Variants in TSC2 observed in about 807,000 individuals in gnomAD.
The protein encoded by TSC2 is TSC complex subunit 2.
Under a neutral mutation model 202.2 loss-of-function variants are expected in TSC2, and 29 were observed. That is an observed-to-expected ratio of 0.14 (90% CI 0.11 to 0.20). The LOEUF (loss-of-function observed/expected upper bound fraction) is 0.20. Among genes scored for constraint, TSC2 ranks in the 10% least tolerant of loss-of-function variants. TSC2 has a pLI of 1.00. For missense variants in TSC2, 2,429 were observed against 2,420.0 expected (o/e 1.00, Z -0.08); for synonymous variants, 1,349 against 1,044.0 (o/e 1.29, Z -5.63).
chr16:2,080,600 C>T, intron 30 of TSC2: 1 of 581,524 alleles, frequency 1.7e-6, no homozygotes, highest in South Asian at 2.0e-5. Context: ...TCTCCTGCCT[C>T]AGCCTCCCGA....
intron 31 of TSC2, 86 bp downstream of exon 31, chr16:2,081,884 A>T (rs2090186765): frequency 6.5e-7 from 1 of 1,537,204 alleles, no homozygotes. Context: ...CTCTCTGCTG[A>T]GGGCGCCCAC....
At position 2,087,115 on chromosome 16, in the gene TSC2, G is replaced by C. The variant is rs28721933; in HGVS notation, c.4989+244G>C. On this transcript the variant is annotated intron_variant, in intron 38 of 41. Coordinates refer to ENST00000219476, the MANE Select transcript of TSC2 (RefSeq NM_000548.5). ...TAACTGGCAAGTGCAGACTGGGTGT[G>C]CTGGGTGGGCACAGTGTAGTTGGTG... 2,213 of 599,834 alleles carry C rather than the reference G, an allele frequency of 3.7e-3. 37 individuals carry two copies. Among genetic ancestry groups the C allele is most frequent in the African/African-American group, 0.037 (1,985 of 54,252 alleles). 37.2% of individuals were successfully genotyped at this position (599,834 alleles called of 1,614,324 possible).
In TSC2 at chr16:2,058,858, G is replaced by A. The variant is rs1131825; in HGVS notation, c.960G>A (p.Leu320=). The A allele has an allele frequency of 1.2e-6, 2 of 1,608,504 alleles. No individual in the cohort carries two copies. Among genetic ancestry groups the A allele is most frequent in the Non-Finnish European group, 1.7e-6 (2 of 1,177,568 alleles). ...YSLRNSPTSV[L]PSFYQAMACP... is the part of the protein sequence containing the mutation. ...TCAGGAACTCGCCGACATCTGTGTT[G>A]CCATCATTTTACCAGGTAAGGCGGT... The change falls in exon 10 of 42, where the codon TTG becomes TTA. Residue 320 remains leucine, a synonymous_variant. Transcript: ENST00000219476.
At position 2,053,416 on chromosome 16, in the gene TSC2, G is replaced by A. The variant is rs45517100; in HGVS notation, c.300G>A (p.Ala100=). 1.2e-4 allele frequency: 198 copies of A among 1,585,520 alleles called. No individual in the cohort carries two copies. The highest frequency in any genetic ancestry group is 1.3e-4 in the Non-Finnish European group (148 of 1,166,846). ...QPERPLEARH[A]VLALLKAIVQ... ...AGCGGCCGCTGGAGGCCCGGCACGC[G>A]GTGCTGGCTCTGCTGAAGGCCATCG... is the stretch of plus-strand genomic sequence containing the variant. The change falls in exon 4 of 42, where the codon GCG becomes GCA. Residue 100 remains alanine (A), a synonymous_variant. Transcript: ENST00000219476.
chr16:2,061,192 C>T, intron 11 of TSC2: 1 of 352,850 alleles, frequency 2.8e-6, no homozygotes, highest in Non-Finnish European at 5.5e-6. Context: ...GTCTGTTAAC[C>T]ACAGCTTTAA....
In TSC2 at chr16:2,061,888, G is replaced by A. The variant is rs1057519260; in HGVS notation, c.1137G>A (p.Glu379=). The A allele has an allele frequency of 1.2e-6, 2 of 1,614,166 alleles. No homozygotes were observed. The highest frequency in any genetic ancestry group is 1.7e-5 in the Admixed American group (1 of 60,030). ...LQQLQTLDSP[E]LRTIVHDLLT... ...TACTGCAGACCTTGGACAGCCCGGA[G>A]CTCAGGACCATCGTCCATGACCTGT... The change falls in exon 12 of 42, where the codon GAG becomes GAA. Residue 379 remains glutamate (E), a synonymous_variant. Coordinates refer to ENST00000219476, the MANE Select transcript of TSC2 (RefSeq NM_000548.5).
chr16:2,067,115 G>C (rs750960833), intron 16 of TSC2, among the ~76,000 whole-genome samples: 1 of 151,686 alleles, frequency 6.6e-6, no homozygotes, highest in Non-Finnish European at 1.5e-5. Context: ...TATGTCATGG[G>C]TTTTTATTTC....
In TSC2 at chr16:2,056,736, C is replaced by A. The variant is rs2151080723; in HGVS notation, c.741C>A (p.Ile247=). Residue 247 remains isoleucine, a synonymous_variant, in exon 8 of 42, where the codon ATC becomes ATA. Transcript: ENST00000219476. ...PLFIVTLCRT[I]NVKELCEPCW... ...TCATCGTTACCCTCTGTCGCACCAT[C>A]AACGTCAAGGAGCTCTGCGAGCCTT... The A allele has an allele frequency of 6.2e-7, 1 of 1,611,734 alleles. No individual in the cohort carries two copies. The highest frequency in any genetic ancestry group is 8.5e-7 in the Non-Finnish European group (1 of 1,180,008).
chr16:2,052,361 G>T (rs967395162), intron 3 of TSC2, among the ~76,000 whole-genome samples: 2 of 151,884 alleles, frequency 1.3e-5, no homozygotes, highest in Non-Finnish European at 2.9e-5. Context: ...CCAGGCCGGG[G>T]TGCAGTGTCA....
In TSC2 at chr16:2,079,086, C is replaced by T. The variant is rs201516931; in HGVS notation, c.3021C>T (p.Ser1007=). The stretch of plus-strand genomic sequence containing the variant: ...GCTTGGGGTCTGCAGATGAGAACTC[C>T]GTGGCCCAGGCTGACGATAGCCTGA... ...SASLGSADEN[S]VAQADDSLKN... Residue 1007 remains serine (S), a synonymous_variant, in exon 27 of 42, where the codon TCC becomes TCT. Transcript: ENST00000219476. This position sits in a 1 kb window ranked among gnomAD's most constrained non-coding sequence, Gnocchi z 4.6. The T allele has an allele frequency of 1.1e-5, 17 of 1,612,998 alleles. No homozygotes were observed. The highest frequency in any genetic ancestry group is 6.7e-5 in the East Asian group (3 of 44,878).
chr16:2,065,341 A>T (rs2087183458), intron 15 of TSC2, 178 bp from the exon 16 acceptor site: 1 of 623,738 alleles, frequency 1.6e-6, no homozygotes, highest in Non-Finnish European at 2.8e-6. Flanking sequence ...TGAACCTGGG[A>T]GGCGGAGCTT....
Position 2,088,533 on chromosome 16 carries a change from G to A in TSC2, c.5347G>A (p.Glu1783Lys), listed in dbSNP as rs777166275. 2.5e-5 allele frequency: 40 copies of A among 1,612,024 alleles called. No homozygotes were observed. The highest frequency in any genetic ancestry group is 3.1e-5 in the Non-Finnish European group (36 of 1,179,898). ...CAAAGCCCCTGCACAGACTCCAGCC[G>A]AGCCCACACCTGGCTATGAGGTGGG... ...HSKAPAQTPA[E>K]PTPGYEVGQR... Residue 1783 changes from glutamate to lysine, a missense_variant, in exon 42 of 42, where the codon GAG becomes AAG. By Grantham distance (56) the Glu-to-Lys change is moderately conservative. Coordinates refer to ENST00000219476, the MANE Select transcript of TSC2 (RefSeq NM_000548.5).
In TSC2 at chr16:2,048,001, C is replaced by A. The variant is rs1421424412; in HGVS notation, c.-94C>A. 9 of 1,505,404 alleles carry A rather than the reference C, an allele frequency of 6.0e-6. No individual in the cohort carries two copies. Among genetic ancestry groups the A allele is most frequent in the East Asian group, 2.5e-5 (1 of 39,592 alleles). 93.3% of individuals were successfully genotyped at this position (1,505,404 alleles called of 1,614,324 possible). On this transcript the variant is annotated 5_prime_UTR_variant, in exon 1 of 42. Transcript: ENST00000219476. ...GCGGGTCGCGCTTCCGGCGGCGTCC[C>A]GGGGCCAGGGGGGTGCGCCTTTCTC...
Position 2,088,881 on chromosome 16 carries a change from G to GCA in TSC2, c.*288_*289dup, listed in dbSNP as rs56279647. On this transcript the variant is annotated 3_prime_UTR_variant, in exon 42 of 42. Coordinates refer to ENST00000219476, the MANE Select transcript of TSC2 (RefSeq NM_000548.5). ...ACAGCACACTCGCGCGTGCGCGCGCGCACACACACACACACACAGTCACCT... is the reference window on the plus strand; with the variant it reads ...ACAGCACACTCGCGCGTGCGCGCGCGCACACACACACACACACACAGTCACCT... The GCA allele has an allele frequency of 0.043, 18,182 of 420,926 alleles. 483 individuals are homozygous for GCA. The highest frequency in any genetic ancestry group is 0.14 in the East Asian group (3,394 of 23,738). The allele number at this position is 420,926 out of a possible 1,614,324, so 26.1% of individuals were successfully genotyped here.
intron 11 of TSC2, 31 bp downstream of exon 11, chr16:2,060,844 C>G (rs368945550): frequency 6.2e-6 from 10 of 1,610,886 alleles, no homozygotes; most frequent in Non-Finnish European, 7.6e-6. Context: ...CCGGGGAGCA[C>G]CGGGAACCCA....
intron 20 of TSC2, 139 bp from the exon 21 acceptor site, chr16:2,072,710 C>T: frequency 7.0e-7 from 1 of 1,421,478 alleles, no homozygotes; most frequent in East Asian, 2.3e-5. Flanking sequence ...GGAGGCCCTT[C>T]CTGGGAGGGA....
At chr16:2,060,869 G>C (rs929913020) in intron 11 of TSC2, 56 bp downstream of exon 11, 47 of 1,601,516 alleles carry the variant, frequency 2.9e-5, no homozygotes, top group Non-Finnish European at 4.0e-5. Context: ...GGCAGGCTCG[G>C]CCCACTCAGA....
In TSC2 at chr16:2,056,211, G is replaced by C. The variant is rs1596275291; in HGVS notation, c.615G>C (p.Leu205=). ...CTCCCTGCAGGATGATCTGTCTGCT[G>C]TGCGTCCGGACCGCGTCCTCTGTGG... The part of the protein sequence containing the change: ...IARMVQMICL[L]CVRTASSVDI... Residue 205 remains leucine (L), a synonymous_variant, in exon 7 of 42, where the codon CTG becomes CTC. Coordinates refer to ENST00000219476, the MANE Select transcript of TSC2 (RefSeq NM_000548.5). The C allele has an allele frequency of 6.2e-7, 1 of 1,614,018 alleles. No individual in the cohort carries two copies. The highest frequency in any genetic ancestry group is 8.5e-7 in the Non-Finnish European group (1 of 1,180,042).
At chr16:2,077,013 C>T (rs764139411) in intron 25 of TSC2, among the ~76,000 whole-genome samples, 2 of 152,242 alleles carry the variant, frequency 1.3e-5, no homozygotes, top group Non-Finnish European at 2.9e-5. Flanking sequence ...CGGCTTTCTC[C>T]TCCTGTCCCC....
Sources: allele counts gnomAD v4.1 joint callset (sites outside exome capture counted in the v4.1 genomes callset), GRCh38; gene constraint gnomAD v4.1.1; non-coding constraint Gnocchi (gnomAD v3.1); transcripts MANE v1.5; gene names NCBI Gene and HGNC (gene_info 2026-07-23, HGNC 2026-07-21).